Variants in PTPRK observed in about 807,000 individuals in gnomAD.
PTPRK encodes receptor-type tyrosine-protein phosphatase kappa.
Under a neutral mutation model 178.0 loss-of-function variants are expected in PTPRK, and 75 were observed. That is an observed-to-expected ratio of 0.42 (90% CI 0.35 to 0.51). The LOEUF (loss-of-function observed/expected upper bound fraction) is 0.51. Ranked by LOEUF, PTPRK falls within the 20% of genes least tolerant of loss-of-function variation. The pLI is 0.02. For missense variants in PTPRK, 1,441 were observed against 1,797.8 expected (o/e 0.80, Z 3.59); for synonymous variants, 637 against 620.6 (o/e 1.03, Z -0.39).
chr6:128,273,756 G>A (rs1466576174), intron 3 of PTPRK, among the ~76,000 whole-genome samples: 2 of 152,180 alleles, frequency 1.3e-5, no homozygotes, highest in Admixed American at 6.5e-5. Flanking sequence ...AAACATTCCA[G>A]TAAAGGATAC....
intron 3 of PTPRK, among the ~76,000 whole-genome samples, chr6:128,251,835 G>A (rs369016976): frequency 1.3e-5 from 2 of 152,070 alleles, no homozygotes; most frequent in Non-Finnish European, 2.9e-5. Context: ...AATTACAAGG[G>A]CTTTGATTAC....
intron 3 of PTPRK, among the ~76,000 whole-genome samples, chr6:128,250,065 C>T (rs762237714): frequency 2.0e-5 from 3 of 152,136 alleles, no homozygotes; most frequent in Non-Finnish European, 4.4e-5. Flanking sequence ...TTTCCGTTTT[C>T]GCTTGATTCT....
chr6:128,149,625 G>T (rs1306414280), intron 7 of PTPRK, among the ~76,000 whole-genome samples: 1 of 152,060 alleles, frequency 6.6e-6, no homozygotes, highest in East Asian at 1.9e-4. Context: ...ACATCACAGG[G>T]TAGTTGTGAG....
In PTPRK at chr6:128,149,297, T is replaced by TATAATA. The variant is rs535337212; in HGVS notation, c.1162+35129_1162+35134dup. Among the ~76,000 whole-genome samples, 7 of 151,194 alleles carry TATAATA rather than the reference T, an allele frequency of 4.6e-5. No homozygotes were observed. The South Asian group carries it at 1.5e-3, about 32-fold the overall frequency. ...TGCACATGTACCCTAGAACTTAAAGTATAATAATAATAATAATAAAGAAAA... is the reference window on the plus strand; with the variant it reads ...TGCACATGTACCCTAGAACTTAAAGTATAATAATAATAATAATAATAATAAAGAAAA... On this transcript the variant is annotated intron_variant, in intron 7 of 29. Transcript: ENST00000368226.
At chr6:128,493,991 G>A (rs1854291870) in intron 1 of PTPRK, among the ~76,000 whole-genome samples, 2 of 152,122 alleles carry the variant, frequency 1.3e-5, no homozygotes, top group Non-Finnish European at 2.9e-5. Flanking sequence ...CTAACATAGT[G>A]CTGGTACACA....
chr6:128,048,934 T>C (rs1325351962), intron 13 of PTPRK, among the ~76,000 whole-genome samples: 2 of 152,176 alleles, frequency 1.3e-5, no homozygotes, highest in African/African-American at 4.8e-5. Context: ...TTTACTCTAT[T>C]CACTTTTCTA....
chr6:128,519,312 G>T lies in PTPRK; in HGVS notation c.100+947C>A, dbSNP rs1185379003. Among the ~76,000 whole-genome samples the T allele has an allele frequency of 6.6e-6, 1 of 152,218 alleles. No homozygotes were observed. The highest frequency in any genetic ancestry group is 1.5e-5 in the Non-Finnish European group (1 of 68,030). ...AAAACTGGAGGGGAACAGAGGGCGG[G>T]ACCGGGAGAGCCAGGGTTCACGGAC... On this transcript the variant is annotated intron_variant, in intron 1 of 29. Coordinates refer to ENST00000368226, the MANE Select transcript of PTPRK (RefSeq NM_002844.4). This position sits in a 1 kb window ranked among gnomAD's most constrained non-coding sequence, Gnocchi z 4.3.
At chr6:128,038,735 AT>A (rs1273053017) in intron 13 of PTPRK, among the ~76,000 whole-genome samples, 1 of 152,244 alleles carries the variant, frequency 6.6e-6, no homozygotes, top group Non-Finnish European at 1.5e-5. Flanking sequence ...TAAATGTTTG[AT>A]TTTTTTCATT....
chr6:128,370,685 A>G (rs986940243), intron 2 of PTPRK, among the ~76,000 whole-genome samples: 2 of 152,172 alleles, frequency 1.3e-5, no homozygotes, highest in Admixed American at 6.5e-5. Context: ...ATCAAAAATC[A>G]TCATTTGTAA....
Position 128,493,588 on chromosome 6 carries a change from CCCTACA to C in PTPRK, c.100+26665_100+26670del, listed in dbSNP as rs1476828901. 2.9e-3 allele frequency among the ~76,000 whole-genome samples: 329 copies of C among 113,328 alleles called. 4 individuals carry two copies. The highest frequency in any genetic ancestry group is 0.012 in the African/African-American group (307 of 26,480). 74.3% of individuals were successfully genotyped at this position (113,328 alleles called of 152,430 possible). On this transcript the variant is annotated intron_variant, in intron 1 of 29. Coordinates refer to ENST00000368226, the MANE Select transcript of PTPRK (RefSeq NM_002844.4). ...AAAAAAAAAAAAAGTACCTCCCGCC[CCCTACA>C]CACACACACACACACACACACACAC...
chr6:128,193,508 A>C (rs1007753673), intron 6 of PTPRK, among the ~76,000 whole-genome samples: 2 of 151,988 alleles, frequency 1.3e-5, no homozygotes, highest in African/African-American at 4.8e-5. Context: ...CTTGAACAAA[A>C]ATTTAATTCA....
intron 5 of PTPRK, chr6:128,235,374 C>T (rs1317006803): frequency 1.1e-5 from 2 of 178,572 alleles, no homozygotes; most frequent in African/African-American, 2.4e-5. Flanking sequence ...TTATTTGACA[C>T]TTCTCAAGAA....
chr6:128,332,065 G>A (rs754000269), intron 2 of PTPRK, among the ~76,000 whole-genome samples: 1 of 152,080 alleles, frequency 6.6e-6, no homozygotes, highest in Non-Finnish European at 1.5e-5. Context: ...CTTAGGAAGT[G>A]GGTGTCCTCA....
chr6:128,516,268 C>T (rs1292058631), intron 1 of PTPRK, among the ~76,000 whole-genome samples: 1 of 152,044 alleles, frequency 6.6e-6, no homozygotes, highest in African/African-American at 2.4e-5. Context: ...GAAGAGCTGT[C>T]AGCAGCACAC....
intron 5 of PTPRK, among the ~76,000 whole-genome samples, chr6:128,237,587 A>G (rs1813526695): frequency 6.6e-6 from 1 of 152,198 alleles, no homozygotes; most frequent in Non-Finnish European, 1.5e-5. Flanking sequence ...TTTAGTGTCT[A>G]TTCAGAATCT....
intron 6 of PTPRK, among the ~76,000 whole-genome samples, chr6:128,216,360 C>A (rs1471286587): frequency 6.6e-6 from 1 of 151,886 alleles, no homozygotes; most frequent in Non-Finnish European, 1.5e-5. Flanking sequence ...CATGGAGAAA[C>A]CCCCTCTCTA....
At chr6:128,120,202 T>A (rs1035819108) in intron 7 of PTPRK, among the ~76,000 whole-genome samples, 2 of 151,972 alleles carry the variant, frequency 1.3e-5, no homozygotes, top group Non-Finnish European at 2.9e-5. Context: ...GTTTTTCCTA[T>A]GCAAATCTAT....
At chr6:128,374,041 G>T (rs1375529405) in intron 2 of PTPRK, among the ~76,000 whole-genome samples, 1 of 151,998 alleles carries the variant, frequency 6.6e-6, no homozygotes, top group Non-Finnish European at 1.5e-5. Flanking sequence ...CTCACACCTT[G>T]TTTGTTATTT....
intron 13 of PTPRK, among the ~76,000 whole-genome samples, chr6:128,032,885 A>G (rs1259190180): frequency 6.6e-6 from 1 of 152,128 alleles, no homozygotes; most frequent in Non-Finnish European, 1.5e-5. Flanking sequence ...TCAGGACAAT[A>G]TTGCCTGGAC....
Sources: allele counts gnomAD v4.1 joint callset (sites outside exome capture counted in the v4.1 genomes callset), GRCh38; gene constraint gnomAD v4.1.1; non-coding constraint Gnocchi (gnomAD v3.1); transcripts MANE v1.5; gene names NCBI Gene and HGNC (gene_info 2026-07-23, HGNC 2026-07-21).